Variants in APLP2 observed in about 807,000 individuals in gnomAD.
The protein encoded by APLP2 is CDEI box-binding protein.
APLP2 carries 53 observed loss-of-function variants against 89.9 expected under a neutral mutation model. The ratio of observed to expected loss-of-function variants is 0.59; its 90% CI spans 0.47 to 0.74. The LOEUF (loss-of-function observed/expected upper bound fraction) is 0.74, where lower values mean the gene tolerates loss of function less well. Ranked by LOEUF, APLP2 falls within the 30% of genes least tolerant of loss-of-function variation. The probability of loss-of-function intolerance (pLI) is 0.00; values close to 1 mark genes in which losing one functional copy is unlikely to be tolerated. For synonymous variants in APLP2, 372 were observed against 348.6 expected, an observed-to-expected ratio of 1.07 and a Z score of -0.75; for missense variants, 973 against 975.9, an observed-to-expected ratio of 1.00 and a Z score of 0.04.
intron 1 of APLP2, among the ~76,000 whole-genome samples, chr11:130,079,341 C>G (rs955479680): frequency 2.0e-5 from 3 of 152,088 alleles, no homozygotes; most frequent in African/African-American, 7.2e-5. Context: ...TCAGATGATC[C>G]TCCCGCCTTG....
chr11:130,072,440 A>T (rs1400889792), intron 1 of APLP2, among the ~76,000 whole-genome samples: 2 of 150,444 alleles, frequency 1.3e-5, no homozygotes, highest in Non-Finnish European at 2.9e-5. Context: ...TACCTTGGAG[A>T]GAAACCTTGG....
chr11:130,121,342 T>C (rs1056416932), intron 4 of APLP2, among the ~76,000 whole-genome samples: 1 of 152,200 alleles, frequency 6.6e-6, no homozygotes, highest in Non-Finnish European at 1.5e-5. Context: ...CTTTAGTCAT[T>C]ATTAGAAAAA....
chr11:130,078,743 G>GT (rs1425704849), intron 1 of APLP2, among the ~76,000 whole-genome samples: 5 of 151,086 alleles, frequency 3.3e-5, no homozygotes, highest in African/African-American at 1.2e-4. Flanking sequence ...GCTCGGCTCT[G>GT]TCACCCTTGT....
chr11:130,121,580 G>A, intron 4 of APLP2, 34 bp from the exon 5 acceptor site: 1 of 1,583,928 alleles, frequency 6.3e-7, no homozygotes, highest in Non-Finnish European at 8.6e-7. Context: ...TTACTCTGGA[G>A]TATGTTCTGA....
At chr11:130,093,071 T>G (rs973509876) in intron 1 of APLP2, among the ~76,000 whole-genome samples, 1 of 152,142 alleles carries the variant, frequency 6.6e-6, no homozygotes, top group Non-Finnish European at 1.5e-5. Context: ...TGAGGTTTAC[T>G]TGGGGAGAGT....
intron 8 of APLP2, 75 bp from the exon 9 acceptor site, chr11:130,127,691 C>A: frequency 8.3e-7 from 1 of 1,200,544 alleles, no homozygotes; most frequent in Non-Finnish European, 1.2e-6. Context: ...TAGCATCTGA[C>A]AGTGTTTTTA....
chr11:130,106,559 G>A (rs929123118), intron 1 of APLP2, among the ~76,000 whole-genome samples: 10 of 152,060 alleles, frequency 6.6e-5, no homozygotes, highest in African/African-American at 2.4e-4. Flanking sequence ...CTCTTGTCCC[G>A]GCATGCCTCT....
chr11:130,088,201 A>G (rs1417850703), intron 1 of APLP2, among the ~76,000 whole-genome samples: 2 of 152,214 alleles, frequency 1.3e-5, no homozygotes, highest in African/African-American at 4.8e-5. Flanking sequence ...GGTCTGGGTG[A>G]TATCTGTAAG....
At chr11:130,090,897 A>ACC (rs71084496) in intron 1 of APLP2, among the ~76,000 whole-genome samples, 4,331 of 94,744 alleles carry the variant, frequency 0.046, 179 homozygotes, top group East Asian at 0.24. Flanking sequence ...GGGGGGGCTG[A>ACC]CCCCCCCCAT....
At chr11:130,074,053 C>G (rs940039629) in intron 1 of APLP2, among the ~76,000 whole-genome samples, 8 of 152,096 alleles carry the variant, frequency 5.3e-5, no homozygotes, top group Admixed American at 5.2e-4. Context: ...TTTCTAAGAG[C>G]CAAAGACATT....
chr11:130,137,681 G>T (rs1453824820), intron 13 of APLP2, among the ~76,000 whole-genome samples: 2 of 152,136 alleles, frequency 1.3e-5, no homozygotes, highest in African/African-American at 4.8e-5. Context: ...GTGGAGAGTC[G>T]TTCTCTTTTC....
At chr11:130,138,222 G>A (rs934577475) in intron 13 of APLP2, among the ~76,000 whole-genome samples, 12 of 152,170 alleles carry the variant, frequency 7.9e-5, no homozygotes, top group Admixed American at 3.9e-4. Context: ...TGGGCCAAAC[G>A]GTGTTGCCCG....
At chr11:130,096,780 A>T (rs1352565287) in intron 1 of APLP2, among the ~76,000 whole-genome samples, 2 of 152,198 alleles carry the variant, frequency 1.3e-5, no homozygotes, top group Non-Finnish European at 2.9e-5. Flanking sequence ...GTGCTTACAC[A>T]CACGTTTATA....
At chr11:130,109,284 C>A (rs1948223764) in intron 1 of APLP2, 145 bp from the exon 2 acceptor site, 1 of 726,186 alleles carries the variant, frequency 1.4e-6, no homozygotes, top group Non-Finnish European at 2.1e-6. Context: ...TGTTCTAGCT[C>A]CTGGGAAAAG....
At chr11:130,117,369 A>G (rs1591818528) in intron 3 of APLP2, among the ~76,000 whole-genome samples, 1 of 152,192 alleles carries the variant, frequency 6.6e-6, no homozygotes, top group East Asian at 1.9e-4. Context: ...GAGATGAGAC[A>G]TAATGTGATG....
At chr11:130,071,038 C>G (rs983907787) in intron 1 of APLP2, among the ~76,000 whole-genome samples, 5 of 152,230 alleles carry the variant, frequency 3.3e-5, no homozygotes, top group Non-Finnish European at 4.4e-5. Flanking sequence ...TCTTTACTTC[C>G]CTTCTCGAAG....
intron 1 of APLP2, among the ~76,000 whole-genome samples, chr11:130,091,376 C>G (rs1945129299): frequency 6.7e-6 from 1 of 148,252 alleles, no homozygotes; most frequent in Non-Finnish European, 1.5e-5. Context: ...GCCGACCCCC[C>G]TACCTCCCTC....
chr11:130,106,694 C>CTTT, intron 1 of APLP2, among the ~76,000 whole-genome samples: 1 of 147,798 alleles, frequency 6.8e-6, no homozygotes, highest in African/African-American at 2.4e-5. Context: ...GGTCAGATTC[C>CTTT]TTTTTTTTTT....
chr11:130,126,606 A>AT, intron 7 of APLP2, 94 bp from the exon 8 acceptor site: 2 of 1,471,048 alleles, frequency 1.4e-6, no homozygotes, highest in Non-Finnish European at 1.9e-6. Flanking sequence ...CACAAAACAA[A>AT]TTGAGTCCAT....
Sources: allele counts gnomAD v4.1 joint callset (sites outside exome capture counted in the v4.1 genomes callset), GRCh38; gene constraint gnomAD v4.1.1; transcripts MANE v1.5; gene names NCBI Gene and HGNC (gene_info 2026-07-23, HGNC 2026-07-21).